Variants in NOL8 observed in about 807,000 individuals in gnomAD.
The protein encoded by NOL8 is nucleolar protein Nop132.
NOL8 carries 93 observed loss-of-function variants against 116.1 expected under a neutral mutation model. The observed-to-expected ratio is 0.80, with a 90% CI of 0.68 to 0.95. The LOEUF is 0.95. NOL8 is among the 40% of genes least tolerant of loss of function. NOL8 has a pLI of 0.00. For missense variants in NOL8, 1,291 were observed against 1,382.8 expected (o/e 0.93, Z 1.05); for synonymous variants, 419 against 469.0 (o/e 0.89, Z 1.38).
chr9:92,315,706 C>T lies in NOL8; in HGVS notation c.919G>A (p.Glu307Lys). ...ISDDDTDSED[E>K]LRMMIAKEEN... Reference sequence around the variant, plus strand: ...TCTTTCGCAATCATCATTCTCAATTCATCTTCAGAATCAGTATCATCATCA... The same window carrying T: ...TCTTTCGCAATCATCATTCTCAATTTATCTTCAGAATCAGTATCATCATCA... Residue 307 changes from glutamate (E) to lysine (K), a missense_variant, in exon 7 of 17, where the codon GAA (glutamate) becomes AAA (lysine). Glu to Lys is a moderately conservative substitution (Grantham distance 56). Transcript: ENST00000442668. 2 of 1,612,594 alleles carry T rather than the reference C, an allele frequency of 1.2e-6. No homozygotes were observed. The highest frequency in any genetic ancestry group is 1.7e-6 in the Non-Finnish European group (2 of 1,179,134).
intron 12 of NOL8, among the ~76,000 whole-genome samples, chr9:92,303,894 T>G (rs1466772376): frequency 1.3e-5 from 2 of 152,170 alleles, no homozygotes; most frequent in Non-Finnish European, 2.9e-5. Context: ...GCAGTTTCAG[T>G]AGAAGCCCAG....
At chr9:92,304,336 T>C (rs1337330467) in intron 12 of NOL8, among the ~76,000 whole-genome samples, 1 of 152,228 alleles carries the variant, frequency 6.6e-6, no homozygotes, top group Non-Finnish European at 1.5e-5. Context: ...GGTTATCCAA[T>C]GCCTGTTCCA....
chr9:92,316,190 T>A (rs1839393593), intron 6 of NOL8, 52 bp from the exon 7 acceptor site: 2 of 1,536,270 alleles, frequency 1.3e-6, no homozygotes, highest in African/African-American at 1.4e-5. Flanking sequence ...GGAAAACTCA[T>A]CAATCTTTGA....
At position 92,298,914 on chromosome 9, in the gene NOL8, A is replaced by T. The variant is rs1587937250; in HGVS notation, c.3343T>A (p.Phe1115Ile). The T allele has an allele frequency of 6.5e-7, 1 of 1,538,290 alleles. No homozygotes were observed. Among genetic ancestry groups the T allele is most frequent in the Non-Finnish European group, 8.8e-7 (1 of 1,139,224 alleles). The change falls in exon 15 of 17, where the codon TTT (phenylalanine) becomes ATT (isoleucine). Residue 1115 changes from phenylalanine to isoleucine, a missense_variant. Transcript: ENST00000442668. Reference sequence around the variant, plus strand: ...AGTCGTTCATCATTCTTAGAGAAAAAGAAAAATCTAGTGGTCTCTTTCTCA... The same window carrying T: ...AGTCGTTCATCATTCTTAGAGAAAATGAAAAATCTAGTGGTCTCTTTCTCA... ...LLEKETTRFF[F>I]FSKNDERLQG...
At chr9:92,310,321 G>T in intron 9 of NOL8, 60 bp from the exon 10 acceptor site, 2 of 1,448,930 alleles carry the variant, frequency 1.4e-6, no homozygotes, top group South Asian at 1.2e-5. Flanking sequence ...TGCTTCTGAC[G>T]AAGACTGTCA....
intron 6 of NOL8, among the ~76,000 whole-genome samples, chr9:92,317,839 C>T (rs1053626098): frequency 2.6e-5 from 4 of 151,648 alleles, no homozygotes; most frequent in Non-Finnish European, 5.9e-5. Flanking sequence ...TCAAGACCAT[C>T]CTGGCCAACA....
At position 92,309,601 on chromosome 9, in the gene NOL8, AGAG is replaced by A. The variant is rs1838584326; in HGVS notation, c.2686+567_2686+569del. Reference sequence around the variant, plus strand: ...GAGGTAAGGTGTTTTTAAAAGGGTAAGAGGAGAAGGTCCTGTAGAAAAAGATTG... The same window carrying A: ...GAGGTAAGGTGTTTTTAAAAGGGTAAGAGAAGGTCCTGTAGAAAAAGATTG... On this transcript the variant is annotated intron_variant, in intron 10 of 16. Coordinates refer to ENST00000442668, the MANE Select transcript of NOL8 (RefSeq NM_017948.6). Among the ~76,000 whole-genome samples the A allele has an allele frequency of 3.3e-5, 5 of 152,264 alleles. No individual in the cohort carries two copies. In the South Asian group the frequency reaches 8.3e-4, roughly 25 times the overall value.
chr9:92,306,827 C>A, intron 11 of NOL8, 59 bp downstream of exon 11: 1 of 1,538,956 alleles, frequency 6.5e-7, no homozygotes, highest in South Asian at 1.2e-5. Context: ...AAATTGAGTT[C>A]AAGAAGACAT....
Position 92,319,934 on chromosome 9 carries a change from C to T in NOL8, c.282-578G>A, listed in dbSNP as rs541052604. On this transcript the variant is annotated intron_variant, in intron 4 of 16. Transcript: ENST00000442668. The stretch of plus-strand genomic sequence containing the variant: ...CAGTCTCCCAAATCCCTGACATGCA[C>T]GCTTATACCTGTGCTCTGCTCCAGT... The T allele has an allele frequency of 6.4e-4, 257 of 402,126 alleles. 2 individuals are homozygous for T. Among genetic ancestry groups the T allele is most frequent in the South Asian group, 4.7e-3 (251 of 53,484 alleles). 24.9% of individuals were successfully genotyped at this position (402,126 alleles called of 1,614,324 possible). A position where few individuals can be genotyped will look rare whatever the true frequency, so the allele number is the denominator to read the frequency against.
chr9:92,323,504 C>A lies in NOL8; in HGVS notation c.140-1G>T. The A allele has an allele frequency of 6.3e-7, 1 of 1,596,558 alleles. No individual in the cohort carries two copies. The highest frequency in any genetic ancestry group is 8.5e-7 in the Non-Finnish European group (1 of 1,172,138). ...TATGCAAAAACTTTCTGTGGGTTTCCTAAAAAACAAACAAACAAACAAACA... is the reference window on the plus strand; with the variant it reads ...TATGCAAAAACTTTCTGTGGGTTTCATAAAAAACAAACAAACAAACAAACA... On this transcript the variant is annotated splice_acceptor_variant, in intron 2 of 16. Coordinates refer to ENST00000442668, the MANE Select transcript of NOL8 (RefSeq NM_017948.6). LOFTEE classifies it high-confidence loss of function.
chr9:92,304,094 A>C (rs1165984218), intron 12 of NOL8, among the ~76,000 whole-genome samples: 2 of 152,208 alleles, frequency 1.3e-5, no homozygotes, highest in African/African-American at 4.8e-5. Flanking sequence ...GGACTCCCAA[A>C]TTTCTATAAG....
Position 92,305,792 on chromosome 9 carries a change from G to A in NOL8, c.2864C>T (p.Ala955Val), listed in dbSNP as rs1161466810. Residue 955 changes from alanine to valine, a missense_variant, in exon 12 of 17, where the codon GCC (alanine) becomes GTC (valine). Ala to Val is a moderately conservative substitution (Grantham distance 64, BLOSUM62 0). Coordinates refer to ENST00000442668, the MANE Select transcript of NOL8 (RefSeq NM_017948.6). ...ATCATCTCTTTTTCTTTCGTAAGTG[G>A]CATGGTCTTGCTTCGTTGGATCATA... ...IHYDPTKQDH[A>V]TYERKRDDKP... is the part of the protein sequence containing the mutation. 2 of 1,612,502 alleles carry A rather than the reference G, an allele frequency of 1.2e-6. No individual in the cohort carries two copies. Among genetic ancestry groups the A allele is most frequent in the East Asian group, 2.2e-5 (1 of 44,836 alleles).
intron 14 of NOL8, 24 bp downstream of exon 14, chr9:92,299,866 C>A (rs754294217): frequency 6.2e-7 from 1 of 1,608,328 alleles, no homozygotes; most frequent in Non-Finnish European, 8.5e-7. Context: ...ATGAACTATG[C>A]CTGCAAAGAA....
At position 92,300,005 on chromosome 9, in the gene NOL8, C is replaced by A. The variant is rs982208405; in HGVS notation, c.3187G>T (p.Val1063Phe). Reference protein sequence around the residue: ...TKDIKEETYRVETVKPGKIVW... With the variant: ...TKDIKEETYRFETVKPGKIVW... ...ATCTTTCCAGGTTTCACTGTTTCAA[C>A]TCTGTAGGTCTCTATATCGTTATGA... The change falls in exon 14 of 17, where the codon GTT (valine) becomes TTT (phenylalanine). Residue 1063 changes from valine (V) to phenylalanine (F), a missense_variant. Val to Phe is a conservative substitution (Grantham distance 50). Coordinates refer to ENST00000442668, the MANE Select transcript of NOL8 (RefSeq NM_017948.6). The A allele has an allele frequency of 2.0e-5, 32 of 1,613,090 alleles. No individual in the cohort carries two copies. Among genetic ancestry groups the A allele is most frequent in the Non-Finnish European group, 2.7e-5 (32 of 1,179,406 alleles).
chr9:92,319,862 A>C (rs1839772927), intron 4 of NOL8: 1 of 360,100 alleles, frequency 2.8e-6, no homozygotes, highest in South Asian at 2.1e-5. Flanking sequence ...GGGCTGTCCC[A>C]CCAGAGCATG....
At chr9:92,320,090 G>A (rs1349968452) in intron 4 of NOL8, 19 of 455,942 alleles carry the variant, frequency 4.2e-5, no homozygotes, top group Middle Eastern at 6.5e-4. Flanking sequence ...CCATGACGAA[G>A]GTATCTTTCG....
At position 92,298,263 on chromosome 9, in the gene NOL8, C is replaced by A; in HGVS notation, c.3447G>T (p.Leu1149=). 2 of 1,603,788 alleles carry A rather than the reference C, an allele frequency of 1.2e-6. No homozygotes were observed. The highest frequency in any genetic ancestry group is 1.7e-6 in the Non-Finnish European group (2 of 1,173,986). Residue 1149 remains leucine (L), a synonymous_variant, in exon 16 of 17, where the codon CTG becomes CTT. Coordinates refer to ENST00000442668, the MANE Select transcript of NOL8 (RefSeq NM_017948.6). ...TGGAGAAACAATTACTCACCATACG[C>A]AGGTTGGTTGTTCTGGCCTCCCAAG... ...RNSWEARTTN[L]RMDCRKKHKD... is the part of the protein sequence containing the mutation.
intron 11 of NOL8, 98 bp downstream of exon 11, chr9:92,306,788 C>T: frequency 8.5e-7 from 1 of 1,171,000 alleles, no homozygotes; most frequent in South Asian, 1.6e-5. Flanking sequence ...CCAGCTGCCT[C>T]CCCAGGCCAT....
chr9:92,313,335 T>TTG (rs761185761), intron 7 of NOL8, among the ~76,000 whole-genome samples: 3 of 152,200 alleles, frequency 2.0e-5, no homozygotes, highest in Non-Finnish European at 4.4e-5. Context: ...AAACAGAGGT[T>TTG]GACAAACTTT....
Sources: gnomAD v4.1 joint callset for allele counts (sites outside exome capture counted in the v4.1 genomes callset) on GRCh38, gnomAD v4.1.1 for gene constraint, MANE v1.5 for transcripts, NCBI Gene and HGNC (gene_info 2026-07-23, HGNC 2026-07-21) for gene names.